Variants in PLCG2 observed in about 807,000 individuals in gnomAD.
PLCG2 encodes the protein phospholipase C gamma 2.
In PLCG2, 69 loss-of-function variants were observed where a neutral mutation model predicts 175.6. The observed-to-expected ratio is 0.39, with a 90% confidence interval of 0.32 to 0.48. The LOEUF (loss-of-function observed/expected upper bound fraction) is 0.48. Ranked by LOEUF, PLCG2 falls within the 20% of genes least tolerant of loss-of-function variation. The probability of loss-of-function intolerance (pLI) is 0.91; values close to 1 mark genes in which losing one functional copy is unlikely to be tolerated. For synonymous variants in PLCG2, 827 were observed against 624.0 expected (o/e 1.33, Z -4.85); for missense variants, 1,798 against 1,650.9 (o/e 1.09, Z -1.54).
In PLCG2 at chr16:81,919,446, G is replaced by C. The variant is rs1228586086; in HGVS notation, c.2055-38G>C. The C allele has an allele frequency of 2.6e-6, 4 of 1,565,524 alleles. No homozygotes were observed. The African/African-American group carries it at 5.4e-5, about 21-fold the overall frequency. ...TGTGTAAAAATTGTTTGGCCACCAG[G>C]ATCTTGGCATGTCAACCCTGTGTTC... On this transcript the variant is annotated intron_variant, in intron 19 of 32. Transcript: ENST00000564138.
chr16:81,764,316 G>A (rs1008794942), intron 2 of PLCG2, among the ~76,000 whole-genome samples: 5 of 151,954 alleles, frequency 3.3e-5, no homozygotes, highest in African/African-American at 1.2e-4. Context: ...AAATAAATAA[G>A]TAATAAAAAG....
chr16:81,751,016 T>C (rs1407624600), intron 1 of PLCG2, among the ~76,000 whole-genome samples: 2 of 137,996 alleles, frequency 1.4e-5, no homozygotes, highest in African/African-American at 5.4e-5. Flanking sequence ...GTTTCACTCT[T>C]GTTGTCCAGA....
intron 21 of PLCG2, chr16:81,921,480 C>T: frequency 1.7e-6 from 1 of 589,450 alleles, no homozygotes. Flanking sequence ...CCAAATGCAA[C>T]AGTGTTTTGC....
At chr16:81,785,237 A>G (rs1199036684) in intron 1 of PLCG2, among the ~76,000 whole-genome samples, 1 of 152,164 alleles carries the variant, frequency 6.6e-6, no homozygotes, top group Non-Finnish European at 1.5e-5. Flanking sequence ...GACACCTCCT[A>G]GGTGCTGGCC....
intron 7 of PLCG2, among the ~76,000 whole-genome samples, chr16:81,878,033 G>A (rs1388363434): frequency 7.7e-6 from 1 of 130,120 alleles, no homozygotes; most frequent in African/African-American, 3.0e-5. Flanking sequence ...CCAGGCTGGA[G>A]TGTAGTGGCG....
At chr16:81,775,063 A>G (rs551205789), upstream of PLCG2, among the ~76,000 whole-genome samples, 3 of 152,232 alleles carry the variant, frequency 2.0e-5, no homozygotes, top group South Asian at 4.1e-4. Context: ...ATTTTTCAAA[A>G]CAGCTTTCTT....
At chr16:81,799,407 C>G (rs1911620855) in intron 2 of PLCG2, among the ~76,000 whole-genome samples, 1 of 152,124 alleles carries the variant, frequency 6.6e-6, no homozygotes, top group South Asian at 2.1e-4. Context: ...GTATTATTAA[C>G]TAATTTATTT....
At chr16:81,816,738 G>C (rs138756210) in intron 2 of PLCG2, among the ~76,000 whole-genome samples, 12 of 130,400 alleles carry the variant, frequency 9.2e-5, no homozygotes, top group Non-Finnish European at 1.4e-4. Context: ...CTGGGCTAAA[G>C]CAGTCCTCGC....
intron 7 of PLCG2, among the ~76,000 whole-genome samples, chr16:81,875,690 C>A (rs1242841171): frequency 6.6e-6 from 1 of 152,190 alleles, no homozygotes; most frequent in Non-Finnish European, 1.5e-5. Flanking sequence ...TACCCTGCTA[C>A]CTCCTGATCA....
chr16:81,778,982 C>A (rs1366839190), upstream of PLCG2, among the ~76,000 whole-genome samples: 1 of 152,124 alleles, frequency 6.6e-6, no homozygotes, highest in African/African-American at 2.4e-5. Flanking sequence ...AAGTATACGG[C>A]AAACACCTGG....
At chr16:81,771,854 G>T (rs142325262) in intron 2 of PLCG2, among the ~76,000 whole-genome samples, 244 of 152,202 alleles carry the variant, frequency 1.6e-3, no homozygotes, top group African/African-American at 5.7e-3. Flanking sequence ...CAGGATCTCC[G>T]CTCACTGCAA....
chr16:81,759,743 C>T (rs1471081046), intron 2 of PLCG2, among the ~76,000 whole-genome samples: 2 of 152,246 alleles, frequency 1.3e-5, no homozygotes, highest in African/African-American at 4.8e-5. Context: ...TCAAATTTCC[C>T]TTAAATTGTA....
At chr16:81,776,924 C>G (rs569833563), upstream of PLCG2, among the ~76,000 whole-genome samples, 7 of 152,190 alleles carry the variant, frequency 4.6e-5, no homozygotes, top group South Asian at 1.4e-3. Flanking sequence ...TACTCTCTTT[C>G]AATCCACTGA....
chr16:81,831,480 G>A lies in PLCG2; in HGVS notation c.194-22964G>A, dbSNP rs74029234. 5.7e-3 allele frequency among the ~76,000 whole-genome samples: 867 copies of A among 152,314 alleles called. 7 individuals carry two copies. The highest frequency in any genetic ancestry group is 0.024 in the Middle Eastern group (7 of 294). On this transcript the variant is annotated intron_variant, in intron 2 of 32. Coordinates refer to ENST00000564138, the MANE Select transcript of PLCG2 (RefSeq NM_002661.5). ...CCTTAAATCCTCATGTCAATGCCAC[G>A]AAACTGGCCCTCTCTATTTGTCTCA...
At chr16:81,953,118 TA>T (rs879823061) in intron 31 of PLCG2, among the ~76,000 whole-genome samples, 4 of 152,170 alleles carry the variant, frequency 2.6e-5, no homozygotes, top group Non-Finnish European at 5.9e-5. Flanking sequence ...TCATACAAAA[TA>T]ACTGACTAGT....
At chr16:81,926,658 A>G (rs8063728) in intron 22 of PLCG2, among the ~76,000 whole-genome samples, 105,263 of 152,048 alleles carry the variant, frequency 0.69, 36,986 homozygotes, top group East Asian at 0.81. Context: ...TCAGATGGAG[A>G]GTTGGAGGCA....
rs566243034 is a variant in PLCG2, at chr16:81,962,305, C to T, written c.*4307C>T. The T allele has an allele frequency of 4.0e-4, 81 of 200,212 alleles. No homozygotes were observed. Among genetic ancestry groups the T allele is most frequent in the African/African-American group, 1.8e-3 (80 of 43,616 alleles). The allele number at this position is 200,212 out of a possible 1,614,324, so 12.4% of individuals were successfully genotyped here. The stretch of plus-strand genomic sequence containing the variant: ...GTGACATTTAACTTTTTGAACCCAA[C>T]CGTAAAAGCTATCTTCTAACCAACA... On this transcript the variant is annotated 3_prime_UTR_variant, in exon 33 of 33. Transcript: ENST00000564138.
At chr16:81,817,815 A>G (rs1272750321) in intron 2 of PLCG2, among the ~76,000 whole-genome samples, 1 of 152,184 alleles carries the variant, frequency 6.6e-6, no homozygotes, top group African/African-American at 2.4e-5. Flanking sequence ...ACATTTATTG[A>G]TAAGTTATTA....
intron 10 of PLCG2, 138 bp from the exon 11 acceptor site, chr16:81,891,334 T>C: frequency 4.6e-6 from 3 of 658,888 alleles, no homozygotes; most frequent in Non-Finnish European, 8.4e-6. Context: ...AAAACGTGGG[T>C]AACTGAGGTC....
Sources: gnomAD v4.1 joint callset for allele counts (sites outside exome capture counted in the v4.1 genomes callset) on GRCh38, gnomAD v4.1.1 for gene constraint, MANE v1.5 for transcripts, NCBI Gene and HGNC (gene_info 2026-07-23, HGNC 2026-07-21) for gene names.